Variants in KIAA1549L observed in about 807,000 individuals in gnomAD.
The protein encoded by KIAA1549L is UPF0606 protein KIAA1549L.
Under a neutral mutation model 160.7 loss-of-function variants are expected in KIAA1549L, and 88 were observed. The ratio of observed to expected loss-of-function variants is 0.55; its 90% CI spans 0.46 to 0.65. The LOEUF (loss-of-function observed/expected upper bound fraction) is 0.65, where lower values mean the gene tolerates loss of function less well. KIAA1549L is among the 30% of genes least tolerant of loss of function. The pLI, the probability that KIAA1549L is intolerant of heterozygous loss-of-function variation, is 0.00. For missense variants in KIAA1549L, 2,258 were observed against 2,437.5 expected (o/e 0.93, Z 1.55); for synonymous variants, 950 against 976.7 (o/e 0.97, Z 0.51).
At position 33,610,000 on chromosome 11, in the gene KIAA1549L, G is replaced by C. The variant is rs542053256; in HGVS notation, c.5279+34G>C. 4 of 1,538,748 alleles carry C rather than the reference G, an allele frequency of 2.6e-6. No homozygotes were observed. The South Asian group carries it at 3.4e-5, about 13-fold the overall frequency. On this transcript the variant is annotated intron_variant, in intron 15 of 20. Coordinates refer to ENST00000658780, the MANE Select transcript of KIAA1549L (RefSeq NM_012194.3). ...TCTAAGGGATTCTGTAAAGGGTGCTGTATCATTGGTGGGATAAGGGCAGGC... is the reference window on the plus strand; with the variant it reads ...TCTAAGGGATTCTGTAAAGGGTGCTCTATCATTGGTGGGATAAGGGCAGGC...
chr11:33,432,020 G>C (rs1189971083), intron 1 of KIAA1549L, among the ~76,000 whole-genome samples: 1 of 152,218 alleles, frequency 6.6e-6, no homozygotes, highest in Non-Finnish European at 1.5e-5. Context: ...GGCCGGCATG[G>C]CAGGCCGGCT....
intron 1 of KIAA1549L, among the ~76,000 whole-genome samples, chr11:33,443,342 C>A (rs1188729341): frequency 6.6e-6 from 1 of 151,562 alleles, no homozygotes; most frequent in Non-Finnish European, 1.5e-5. Context: ...TTGTTATAAA[C>A]CTATTTCCTT....
At chr11:33,405,839 CAAAAAAAAAAAAAAA>C (rs35479859) in intron 1 of KIAA1549L, among the ~76,000 whole-genome samples, 1 of 68,878 alleles carries the variant, frequency 1.5e-5, no homozygotes, top group Admixed American at 1.9e-4. Context: ...CAGTCTGTCT[CAAAAAAAAAAAAAAA>C]AAAAAAAAAG....
At chr11:33,386,181 T>G (rs2134039730) in intron 1 of KIAA1549L, among the ~76,000 whole-genome samples, 2 of 152,332 alleles carry the variant, frequency 1.3e-5, no homozygotes, top group Admixed American at 1.3e-4. Flanking sequence ...AATATCAGTC[T>G]TTCTCTAGAG....
chr11:33,472,893 G>A (rs1852209974), intron 1 of KIAA1549L, among the ~76,000 whole-genome samples: 1 of 152,174 alleles, frequency 6.6e-6, no homozygotes, highest in African/African-American at 2.4e-5. Context: ...CCTCCAGGCT[G>A]TTTCCAGTTT....
chr11:33,640,521 G>T (rs151139560), intron 16 of KIAA1549L, among the ~76,000 whole-genome samples: 2 of 152,354 alleles, frequency 1.3e-5, no homozygotes, highest in African/African-American at 4.8e-5. Context: ...GGAAGTGGAA[G>T]AAGGAGAAAC....
rs1051127549 is a variant in KIAA1549L at position 33,672,130 on chromosome 11, A to G, written c.*3976A>G. 6.6e-6 allele frequency: 1 copy of G among 152,290 alleles called. No individual in the cohort carries two copies. Among genetic ancestry groups the G allele is most frequent in the African/African-American group, 2.4e-5 (1 of 41,472 alleles). 9.4% of individuals were successfully genotyped at this position (152,290 alleles called of 1,614,324 possible). On this transcript the variant is annotated 3_prime_UTR_variant, in exon 21 of 21. Coordinates refer to ENST00000658780, the MANE Select transcript of KIAA1549L (RefSeq NM_012194.3). ...TCCCCTACAGGAAAGGGATGGAGAC[A>G]GCTACCTTTGCTCTTGCTCTCACAT...
chr11:33,391,829 G>A (rs1850278298), intron 1 of KIAA1549L, among the ~76,000 whole-genome samples: 1 of 152,174 alleles, frequency 6.6e-6, no homozygotes, highest in South Asian at 2.1e-4. Flanking sequence ...TATAAAAATA[G>A]CACAATTAAT....
chr11:33,491,031 C>T (rs1252731779), intron 1 of KIAA1549L, among the ~76,000 whole-genome samples: 1 of 152,212 alleles, frequency 6.6e-6, no homozygotes, highest in East Asian at 1.9e-4. Context: ...TTACGTTGCA[C>T]TGTAACTAAT....
chr11:33,377,374 C>T (rs1257785615), intron 1 of KIAA1549L, among the ~76,000 whole-genome samples: 1 of 152,200 alleles, frequency 6.6e-6, no homozygotes, highest in African/African-American at 2.4e-5. Context: ...AAGGAGGTCT[C>T]TCCAATAATT....
At chr11:33,664,693 G>A (rs1460747646) in intron 20 of KIAA1549L, among the ~76,000 whole-genome samples, 5 of 152,218 alleles carry the variant, frequency 3.3e-5, no homozygotes, top group Admixed American at 6.5e-5. Context: ...AGCTGTCTCT[G>A]AACCAGAAAG....
chr11:33,420,241 T>TGTTTG (rs1179059014), intron 1 of KIAA1549L, among the ~76,000 whole-genome samples: 17,417 of 149,340 alleles, frequency 0.12, 1,173 homozygotes, highest in African/African-American at 0.18. Flanking sequence ...TTTTGTTTTT[T>TGTTTG]TTTTTTTTTT....
intron 1 of KIAA1549L, among the ~76,000 whole-genome samples, chr11:33,405,558 A>G (rs1300713653): frequency 2.0e-5 from 3 of 151,030 alleles, no homozygotes; most frequent in Non-Finnish European, 4.4e-5. Context: ...AAGAATCAAA[A>G]GCTGTCTGGG....
At chr11:33,418,278 T>C (rs1468452606) in intron 1 of KIAA1549L, among the ~76,000 whole-genome samples, 2 of 152,240 alleles carry the variant, frequency 1.3e-5, no homozygotes, top group Non-Finnish European at 2.9e-5. Flanking sequence ...CACCGCCTGA[T>C]GTCTTTACAC....
chr11:33,451,262 G>A (rs556550561), intron 1 of KIAA1549L, among the ~76,000 whole-genome samples: 11 of 152,210 alleles, frequency 7.2e-5, no homozygotes, highest in Admixed American at 2.6e-4. Context: ...ATTTTTCCTG[G>A]GTGAATTTAT....
At chr11:33,586,378 A>G (rs947738268) in intron 11 of KIAA1549L, among the ~76,000 whole-genome samples, 2 of 152,132 alleles carry the variant, frequency 1.3e-5, no homozygotes, top group African/African-American at 2.4e-5. Flanking sequence ...GGTACCATGG[A>G]CTACCCCATT....
At chr11:33,651,800 G>A (rs927038425) in intron 17 of KIAA1549L, among the ~76,000 whole-genome samples, 2 of 149,016 alleles carry the variant, frequency 1.3e-5, no homozygotes, top group African/African-American at 5.0e-5. Context: ...ATTCCCTCCC[G>A]AGGGACACTC....
chr11:33,660,786 CTT>C, intron 19 of KIAA1549L, 75 bp from the exon 20 acceptor site: 1 of 1,457,228 alleles, frequency 6.9e-7, no homozygotes, highest in South Asian at 1.3e-5. Flanking sequence ...ATGAAACTGA[CTT>C]TATTTGGCTC....
chr11:33,611,629 T>C (rs1564923389), intron 15 of KIAA1549L, among the ~76,000 whole-genome samples: 2 of 152,162 alleles, frequency 1.3e-5, no homozygotes, highest in South Asian at 2.1e-4. Flanking sequence ...GGGAGGCTGA[T>C]TGGTTCTTTA....
Sources: allele counts gnomAD v4.1 joint callset (sites outside exome capture counted in the v4.1 genomes callset), GRCh38; gene constraint gnomAD v4.1.1; transcripts MANE v1.5; gene names NCBI Gene and HGNC (gene_info 2026-07-23, HGNC 2026-07-21).